The following CNTN5 variants were observed in gnomAD, a reference collection of about 807,000 sequenced individuals.
CNTN5 encodes contactin-5.
In CNTN5, 77 loss-of-function variants were observed where a neutral mutation model predicts 129.1. The ratio of observed to expected loss-of-function variants is 0.60; its 90% confidence interval spans 0.50 to 0.72. CNTN5 has a LOEUF of 0.72. CNTN5 is among the 30% of genes least tolerant of loss of function. The probability of loss-of-function intolerance (pLI) is 0.00; values close to 1 mark genes in which losing one functional copy is unlikely to be tolerated. For synonymous variants in CNTN5, 509 were observed against 465.6 expected, an observed-to-expected ratio of 1.09 and a Z score of -1.20; for missense variants, 1,478 against 1,328.8, an observed-to-expected ratio of 1.11 and a Z score of -1.75.
chr11:99,622,986 A>G (rs1316655160), intron 3 of CNTN5, among the ~76,000 whole-genome samples: 1 of 152,132 alleles, frequency 6.6e-6, no homozygotes, highest in Non-Finnish European at 1.5e-5. Flanking sequence ...ATGACTCTAC[A>G]TTCTGTAAAA....
chr11:99,675,425 G>T (rs1443958283), intron 3 of CNTN5, among the ~76,000 whole-genome samples: 5 of 152,174 alleles, frequency 3.3e-5, no homozygotes, highest in Non-Finnish European at 7.3e-5. Flanking sequence ...GCTCACACCT[G>T]TAATCCTAGC....
intron 14 of CNTN5, among the ~76,000 whole-genome samples, 161 bp downstream of exon 14, chr11:100,191,414 C>T (rs1204905425): frequency 1.3e-5 from 2 of 152,090 alleles, no homozygotes; most frequent in African/African-American, 2.4e-5. Flanking sequence ...CACATTGTTA[C>T]TTTCCACCAT....
chr11:99,586,433 C>T (rs796381604), intron 3 of CNTN5, among the ~76,000 whole-genome samples: 12 of 152,232 alleles, frequency 7.9e-5, no homozygotes, highest in Middle Eastern at 3.4e-3. Flanking sequence ...GTAGTTTATT[C>T]GTTTTCTTTT....
intron 1 of CNTN5, among the ~76,000 whole-genome samples, chr11:99,187,727 TA>T (rs1858424501): frequency 6.6e-6 from 1 of 151,874 alleles, no homozygotes; most frequent in Admixed American, 6.6e-5. Flanking sequence ...TTCAATCACT[TA>T]AAGCAATTTT....
At chr11:99,035,386 T>A (rs117377431) in intron 1 of CNTN5, among the ~76,000 whole-genome samples, 9,272 of 152,218 alleles carry the variant, frequency 0.061, 364 homozygotes, top group Non-Finnish European at 0.086. Context: ...AGTCTCCCAC[T>A]GTTAATGCGT....
intron 2 of CNTN5, among the ~76,000 whole-genome samples, chr11:99,371,446 C>T (rs1382617397): frequency 6.6e-6 from 1 of 151,954 alleles, no homozygotes; most frequent in Non-Finnish European, 1.5e-5. Flanking sequence ...AGTAATGACT[C>T]ATAGTAAGTT....
In CNTN5 at chr11:100,193,571, G is replaced by C; in HGVS notation, c.1792G>C (p.Asp598His). ...TGTCCTTAATTGCAAAGCAATTCACGATGCTAGTTTGGATGTCACTTTCTA... is the reference window on the plus strand; with the variant it reads ...TGTCCTTAATTGCAAAGCAATTCACCATGCTAGTTTGGATGTCACTTTCTA... ...SIVLNCKAIH[D>H]ASLDVTFYWT... is the part of the protein sequence containing the mutation. The change falls in exon 15 of 25, where the codon GAT becomes CAT. Residue 598 changes from aspartate (D) to histidine (H), a missense_variant. Coordinates refer to ENST00000524871, the MANE Select transcript of CNTN5 (RefSeq NM_014361.4). 6.2e-7 allele frequency: 1 copy of C among 1,611,496 alleles called. No individual in the cohort carries two copies. The highest frequency in any genetic ancestry group is 8.5e-7 in the Non-Finnish European group (1 of 1,178,402).
chr11:99,648,301 A>G (rs1952037396), intron 3 of CNTN5, among the ~76,000 whole-genome samples: 2 of 152,066 alleles, frequency 1.3e-5, no homozygotes, highest in South Asian at 4.1e-4. Context: ...GTTTTGGCCA[A>G]TAAATTTGTA....
At chr11:99,242,606 C>G (rs1242068925) in intron 1 of CNTN5, among the ~76,000 whole-genome samples, 1 of 151,952 alleles carries the variant, frequency 6.6e-6, no homozygotes, top group Non-Finnish European at 1.5e-5. Flanking sequence ...GCATAGTACA[C>G]GATAGTTTTT....
At position 99,176,940 on chromosome 11, in the gene CNTN5, G is replaced by GT. The variant is rs1591315549; in HGVS notation, c.-209-148401dup. Among the ~76,000 whole-genome samples the GT allele has an allele frequency of 2.0e-5, 3 of 152,154 alleles. No homozygotes were observed. In the East Asian group the frequency reaches 5.8e-4, roughly 29 times the overall value. ...AGAATTTGACCTGATCTTGGCCCTT[G>GT]TTTTTACCTTGACCACATCTTATAC... On this transcript the variant is annotated intron_variant, in intron 1 of 24. Coordinates refer to ENST00000524871, the MANE Select transcript of CNTN5 (RefSeq NM_014361.4).
intron 1 of CNTN5, among the ~76,000 whole-genome samples, chr11:99,110,863 G>A (rs989016855): frequency 1.1e-4 from 16 of 152,250 alleles, no homozygotes; most frequent in African/African-American, 3.8e-4. Flanking sequence ...CAGAAGAACT[G>A]TGATAGAAAT....
chr11:100,224,637 C>T, intron 15 of CNTN5, 55 bp from the exon 16 acceptor site: 1 of 1,563,230 alleles, frequency 6.4e-7, no homozygotes, highest in Non-Finnish European at 8.7e-7. Context: ...CCTTAAGCCA[C>T]CTTGAACTAG....
intron 2 of CNTN5, among the ~76,000 whole-genome samples, chr11:99,426,264 G>A (rs1943115301): frequency 6.6e-6 from 1 of 152,170 alleles, no homozygotes; most frequent in Non-Finnish European, 1.5e-5. Flanking sequence ...AATAACAGAG[G>A]TTTAAAACAC....
intron 2 of CNTN5, among the ~76,000 whole-genome samples, chr11:99,415,115 A>G (rs904961478): frequency 6.6e-6 from 1 of 152,160 alleles, no homozygotes; most frequent in East Asian, 1.9e-4. Context: ...CTTACCCATC[A>G]TCCATCATAA....
At chr11:99,679,135 AATAT>A (rs1953438530) in intron 3 of CNTN5, among the ~76,000 whole-genome samples, 1 of 147,768 alleles carries the variant, frequency 6.8e-6, no homozygotes, top group Middle Eastern at 3.3e-3. Context: ...ACTTATAGGA[AATAT>A]ATATAAGTAC....
At position 100,304,640 on chromosome 11, in the gene CNTN5, C is replaced by T. The variant is rs3758699; in HGVS notation, c.2621-3719C>T. On this transcript the variant is annotated intron_variant, in intron 20 of 24. Transcript: ENST00000524871. ...TTGAGAGAAGTTAGATGTGGAGTGGCAAGGGGAAAGAGAGAAATAGAAAAG... is the reference window on the plus strand; with the variant it reads ...TTGAGAGAAGTTAGATGTGGAGTGGTAAGGGGAAAGAGAGAAATAGAAAAG... 2.1e-3 allele frequency among the ~76,000 whole-genome samples: 322 copies of T among 151,398 alleles called. 13 individuals carry two copies. The East Asian group carries it at 0.058, about 27-fold the overall frequency.
At chr11:99,580,622 G>C (rs964186388) in intron 3 of CNTN5, among the ~76,000 whole-genome samples, 2 of 152,172 alleles carry the variant, frequency 1.3e-5, no homozygotes, top group East Asian at 1.9e-4. Flanking sequence ...TTGCGTAGAC[G>C]TGTTTATAGT....
intron 8 of CNTN5, among the ~76,000 whole-genome samples, chr11:99,983,745 G>A (rs1237822518): frequency 2.0e-5 from 3 of 152,154 alleles, no homozygotes; most frequent in African/African-American, 7.2e-5. Flanking sequence ...TGATGAGTGG[G>A]TAGGGTTAAG....
intron 1 of CNTN5, among the ~76,000 whole-genome samples, chr11:99,227,257 G>T (rs989429800): frequency 6.6e-6 from 1 of 151,978 alleles, no homozygotes; most frequent in Admixed American, 6.6e-5. Context: ...CTACTCAGGA[G>T]GCTGAAGCAG....
Sources: allele counts gnomAD v4.1 joint callset (sites outside exome capture counted in the v4.1 genomes callset), GRCh38; gene constraint gnomAD v4.1.1; transcripts MANE v1.5; gene names NCBI Gene and HGNC (gene_info 2026-07-23, HGNC 2026-07-21).